ZNF83: variants seen among roughly 807,000 people sequenced by gnomAD.
ZNF83 encodes the protein zinc finger protein 83, also known as zinc finger protein 816B.
For synonymous variants in ZNF83, 209 were observed against 213.0 expected, an observed-to-expected ratio of 0.98 and a Z score of 0.17; for missense variants, 552 against 629.9, an observed-to-expected ratio of 0.88 and a Z score of 1.32.
chr19:52,683,268 G>GTA (rs2061955702), intron 1 of ZNF83, among the ~76,000 whole-genome samples: 1 of 101,052 alleles, frequency 9.9e-6, no homozygotes, highest in South Asian at 2.8e-4. Context: ...GTGTGTGTGT[G>GTA]TGTGTGTGTG....
chr19:52,683,266 GTGTGTGTGTGTGTGTA>G lies in ZNF83; in HGVS notation c.-283+7161_-283+7176del, dbSNP rs1345046260. 3.7e-3 allele frequency among the ~76,000 whole-genome samples: 385 copies of G among 104,488 alleles called. 1 individual carries two copies. Among genetic ancestry groups the G allele is most frequent in the Non-Finnish European group, 6.5e-3 (323 of 49,604 alleles). The allele number at this position is 104,488 out of a possible 152,430, so 68.5% of individuals were successfully genotyped here. ...TGTGTGTGTGTGTGTGTGTGTGTGTGTGTGTGTGTGTGTGTATGCTCACGTGTTGTGACAGGCAAGG... is the reference window on the plus strand; with the variant it reads ...TGTGTGTGTGTGTGTGTGTGTGTGTGTGCTCACGTGTTGTGACAGGCAAGG... On this transcript the variant is annotated intron_variant, in intron 1 of 5. Coordinates refer to the ZNF83 transcript ENST00000594682.
At chr19:52,680,323 C>T (rs1211123705) in intron 1 of ZNF83, among the ~76,000 whole-genome samples, 1 of 152,142 alleles carries the variant, frequency 6.6e-6, no homozygotes, top group African/African-American at 2.4e-5. Flanking sequence ...CTGTAGCTCT[C>T]CCACATCACT....
chr19:52,676,125 C>T (rs982675564), intron 1 of ZNF83, among the ~76,000 whole-genome samples: 2 of 152,174 alleles, frequency 1.3e-5, no homozygotes, highest in Non-Finnish European at 1.5e-5. Flanking sequence ...CAATTGCAGG[C>T]GCGCGCCGCC....
chr19:52,640,456 A>G (rs1020405906), upstream of ZNF83, among the ~76,000 whole-genome samples: 4 of 152,204 alleles, frequency 2.6e-5, no homozygotes, highest in Admixed American at 2.6e-4. Flanking sequence ...TTATCACTCC[A>G]TAAGAAGTAA....
At chr19:52,657,212 A>T (rs1462285622) in intron 2 of ZNF83, among the ~76,000 whole-genome samples, 1 of 152,226 alleles carries the variant, frequency 6.6e-6, no homozygotes, top group Non-Finnish European at 1.5e-5. Context: ...GTCAGCCAAC[A>T]TACAGAAATT....
At chr19:52,665,414 A>G (rs760623465) in intron 1 of ZNF83, among the ~76,000 whole-genome samples, 1 of 152,172 alleles carries the variant, frequency 6.6e-6, no homozygotes, top group Non-Finnish European at 1.5e-5. Flanking sequence ...CAATAAGAAA[A>G]AAAGTGATTA....
intron 1 of ZNF83, among the ~76,000 whole-genome samples, chr19:52,674,751 C>G (rs1413681030): frequency 6.6e-6 from 1 of 152,068 alleles, no homozygotes; most frequent in African/African-American, 2.4e-5. Context: ...GAACATTGAT[C>G]AAAATGATTA....
intron 3 of ZNF83, chr19:52,654,510 T>G (rs889491099): frequency 1.0e-5 from 5 of 478,238 alleles, no homozygotes; most frequent in Non-Finnish European, 1.7e-5. Context: ...TATTTTAAAA[T>G]TCCCAAATAT....
At chr19:52,639,415 ATTT>A (rs1160711365), upstream of ZNF83, among the ~76,000 whole-genome samples, 741 of 86,316 alleles carry the variant, frequency 8.6e-3, 9 homozygotes, top group African/African-American at 0.033. Context: ...AGTTTTTTCT[ATTT>A]TTTTTTTTTT....
chr19:52,649,347 G>C (rs374268644), intron 3 of ZNF83, among the ~76,000 whole-genome samples: 3 of 152,254 alleles, frequency 2.0e-5, no homozygotes, highest in African/African-American at 4.8e-5. Context: ...AAAAGATCTT[G>C]TATGAGCCGG....
At chr19:52,628,938 C>A (rs780666264) in intron 2 of ZNF83, among the ~76,000 whole-genome samples, 16 of 151,940 alleles carry the variant, frequency 1.1e-4, no homozygotes, top group Non-Finnish European at 8.8e-5. Flanking sequence ...TGTGCCCCAA[C>A]CGCTTTCCCA....
intron 1 of ZNF83, among the ~76,000 whole-genome samples, chr19:52,666,391 C>T (rs2061654026): frequency 6.6e-6 from 1 of 151,844 alleles, no homozygotes; most frequent in South Asian, 2.1e-4. Flanking sequence ...TATAACACTC[C>T]AATACCACCC....
At chr19:52,653,377 T>C (rs1759032360) in intron 3 of ZNF83, 2 of 1,074,436 alleles carry the variant, frequency 1.9e-6, no homozygotes, top group African/African-American at 1.6e-5. Flanking sequence ...CTGGAAAACC[T>C]TGCCACATTC....
exon 3 of ZNF83, chr19:52,613,247 G>C: frequency 1.9e-6 from 3 of 1,614,018 alleles, no homozygotes; most frequent in Non-Finnish European, 1.7e-6. Context: ...GATGAGTTTA[G>C]ACCGAAGACC....
upstream of ZNF83, among the ~76,000 whole-genome samples, chr19:52,640,488 T>C (rs1335347686): frequency 6.6e-6 from 1 of 152,218 alleles, no homozygotes; most frequent in Non-Finnish European, 1.5e-5. Context: ...TGAGGTCTTA[T>C]CTCTGGGGCT....
chr19:52,686,147 A>T (rs2062011567), intron 1 of ZNF83, among the ~76,000 whole-genome samples: 1 of 152,196 alleles, frequency 6.6e-6, no homozygotes, highest in South Asian at 2.1e-4. Flanking sequence ...CCAGGTACAC[A>T]CTGAAACAAT....
At chr19:52,619,366 G>A (rs1258698745) in intron 2 of ZNF83, among the ~76,000 whole-genome samples, 3 of 152,278 alleles carry the variant, frequency 2.0e-5, no homozygotes, top group South Asian at 2.1e-4. Flanking sequence ...TGTGGCTCAC[G>A]CCTGTAATCC....
At chr19:52,649,201 A>C (rs2061412523) in intron 3 of ZNF83, among the ~76,000 whole-genome samples, 1 of 152,064 alleles carries the variant, frequency 6.6e-6, no homozygotes. Context: ...TTCCAGCCAC[A>C]CCAGGAATCT....
intron 1 of ZNF83, among the ~76,000 whole-genome samples, chr19:52,677,459 A>G (rs190692483): frequency 1.7e-4 from 26 of 151,944 alleles, no homozygotes; most frequent in African/African-American, 6.0e-4. Flanking sequence ...TCACACCAGC[A>G]TGGGTGACAG....
Sources: gnomAD v4.1 joint callset for allele counts (sites outside exome capture counted in the v4.1 genomes callset) on GRCh38, gnomAD v4.1.1 for gene constraint, MANE v1.5 for transcripts, NCBI Gene and HGNC (gene_info 2026-07-23, HGNC 2026-07-21) for gene names.